The following ASIC2 variants were observed in gnomAD, a reference collection of about 807,000 sequenced individuals.
The protein encoded by ASIC2 is acid sensing ion channel subunit 2.
A neutral mutation model predicts 57.3 loss-of-function variants in ASIC2; 25 were observed. The ratio of observed to expected loss-of-function variants is 0.44; its 90% confidence interval spans 0.32 to 0.61. The LOEUF (loss-of-function observed/expected upper bound fraction) is 0.61. Among genes scored for constraint, ASIC2 ranks in the 20% least tolerant of loss-of-function variants. ASIC2 has a pLI of 0.06. For synonymous variants in ASIC2, 319 were observed against 307.5 expected, an observed-to-expected ratio of 1.04 and a Z score of -0.39; for missense variants, 641 against 738.1, an observed-to-expected ratio of 0.87 and a Z score of 1.52.
intron 1 of ASIC2, among the ~76,000 whole-genome samples, chr17:33,216,768 G>C (rs1428046719): frequency 1.3e-5 from 2 of 152,226 alleles, no homozygotes; most frequent in African/African-American, 2.4e-5. Context: ...TTTTAAAGAG[G>C]AGAGGATCAT....
At chr17:34,124,532 T>C (rs930521962) in intron 1 of ASIC2, among the ~76,000 whole-genome samples, 1 of 152,152 alleles carries the variant, frequency 6.6e-6, no homozygotes, top group East Asian at 1.9e-4. Context: ...TCAGCTTCAG[T>C]TATCATCCCA....
rs182735912 is a variant in ASIC2 at position 33,755,340 on chromosome 17, C to T, written c.555+400638G>A. Among the ~76,000 whole-genome samples, 16 of 152,336 alleles carry T rather than the reference C, an allele frequency of 1.1e-4. No individual in the cohort carries two copies. The South Asian group carries it at 1.2e-3, about 12-fold the overall frequency. ...AGTGAAACCCATTTCCAATTTCTGA[C>T]GTCTAGAGCCATAAGACCCTATGTC... On this transcript the variant is annotated intron_variant, in intron 1 of 9. Transcript: ENST00000359872.
chr17:33,670,416 A>AATC (rs1180084812), intron 1 of ASIC2, among the ~76,000 whole-genome samples: 1 of 152,270 alleles, frequency 6.6e-6, no homozygotes, highest in East Asian at 1.9e-4. Flanking sequence ...TAAAATAAGG[A>AATC]ATCACCATTT....
chr17:33,292,345 T>A lies in ASIC2; in HGVS notation c.-230A>T. 1 of 986,004 alleles carries A rather than the reference T, an allele frequency of 1.0e-6. No homozygotes were observed. The highest frequency in any genetic ancestry group is 1.2e-6 in the Non-Finnish European group (1 of 830,814). 61.1% of individuals were successfully genotyped at this position (986,004 alleles called of 1,614,324 possible). A position where few individuals can be genotyped will look rare whatever the true frequency, so the allele number is the denominator to read the frequency against. ...GAGCGCCGCCTCAGCCCGCAGCCCCTGGCAGTGGCCTCTCCCGAGCGCCTC... is the reference window on the plus strand; with the variant it reads ...GAGCGCCGCCTCAGCCCGCAGCCCCAGGCAGTGGCCTCTCCCGAGCGCCTC... On this transcript the variant is annotated 5_prime_UTR_variant, in exon 1 of 10. Transcript: ENST00000225823.
intron 1 of ASIC2, among the ~76,000 whole-genome samples, chr17:33,266,429 T>C (rs1909461097): frequency 1.3e-5 from 2 of 152,202 alleles, no homozygotes; most frequent in South Asian, 4.1e-4. Flanking sequence ...AAACAACAGA[T>C]TCCCAGTTTT....
At chr17:33,875,860 G>A (rs1250275464) in intron 1 of ASIC2, among the ~76,000 whole-genome samples, 1 of 151,802 alleles carries the variant, frequency 6.6e-6, no homozygotes, top group Non-Finnish European at 1.5e-5. Context: ...TATAATCCCA[G>A]CTTTTGTAAT....
At chr17:33,032,880 T>G (rs1415605366) in intron 3 of ASIC2, among the ~76,000 whole-genome samples, 1 of 152,242 alleles carries the variant, frequency 6.6e-6, no homozygotes, top group African/African-American at 2.4e-5. Flanking sequence ...GAATTTTCCA[T>G]TTGATATCAT....
intron 1 of ASIC2, among the ~76,000 whole-genome samples, chr17:34,031,259 A>T (rs570650442): frequency 9.8e-5 from 15 of 152,336 alleles, no homozygotes; most frequent in Non-Finnish European, 1.5e-5. Flanking sequence ...CAGGGTCTGG[A>T]GTGGACCTCT....
At chr17:33,875,323 T>A (rs1357253653) in intron 1 of ASIC2, among the ~76,000 whole-genome samples, 1 of 152,214 alleles carries the variant, frequency 6.6e-6, no homozygotes, top group African/African-American at 2.4e-5. Flanking sequence ...TTTTCCAGAA[T>A]ACTGCTGGCC....
intron 1 of ASIC2, among the ~76,000 whole-genome samples, chr17:33,712,637 T>C (rs1279093365): frequency 2.5e-5 from 1 of 40,556 alleles, no homozygotes; most frequent in East Asian, 6.1e-4. Context: ...CTCATATGGC[T>C]TTTTTTTTTT....
intron 1 of ASIC2, among the ~76,000 whole-genome samples, chr17:34,072,874 G>A (rs1909472863): frequency 6.6e-6 from 1 of 152,148 alleles, no homozygotes; most frequent in Non-Finnish European, 1.5e-5. Flanking sequence ...CACTTTGGGG[G>A]CTTAGTGGAT....
intron 1 of ASIC2, among the ~76,000 whole-genome samples, chr17:33,852,759 T>C (rs1913807400): frequency 6.6e-6 from 1 of 152,162 alleles, no homozygotes; most frequent in Non-Finnish European, 1.5e-5. Flanking sequence ...CTTCGATGGA[T>C]ACTCAAAGGG....
At chr17:33,871,013 T>C (rs750022823) in intron 1 of ASIC2, among the ~76,000 whole-genome samples, 3 of 152,322 alleles carry the variant, frequency 2.0e-5, no homozygotes, top group Non-Finnish European at 4.4e-5. Context: ...AAGCTGGGCA[T>C]CTTGGCTTCA....
intron 1 of ASIC2, among the ~76,000 whole-genome samples, chr17:33,391,117 A>T (rs543364020): frequency 6.6e-6 from 1 of 152,356 alleles, no homozygotes; most frequent in South Asian, 2.1e-4. Flanking sequence ...TGCTCAGAAT[A>T]TGAGAGCTGA....
intron 1 of ASIC2, among the ~76,000 whole-genome samples, chr17:34,067,621 T>C (rs1909219482): frequency 6.6e-6 from 1 of 152,206 alleles, no homozygotes; most frequent in South Asian, 2.1e-4. Flanking sequence ...TACAAAATGC[T>C]GTTTATGATT....
At chr17:33,690,065 C>G (rs910777899) in intron 1 of ASIC2, among the ~76,000 whole-genome samples, 1 of 152,244 alleles carries the variant, frequency 6.6e-6, no homozygotes, top group African/African-American at 2.4e-5. Context: ...GAAACTAACT[C>G]TCTCTGCAAA....
intron 1 of ASIC2, among the ~76,000 whole-genome samples, chr17:33,671,909 G>A (rs1907651115): frequency 6.6e-6 from 1 of 152,120 alleles, no homozygotes; most frequent in African/African-American, 2.4e-5. Flanking sequence ...ACTAATTCCA[G>A]CCACTTTCTG....
At chr17:33,354,937 G>A (rs66717518) in intron 1 of ASIC2, among the ~76,000 whole-genome samples, 26,674 of 152,150 alleles carry the variant, frequency 0.18, 3,045 homozygotes, top group East Asian at 0.49. Flanking sequence ...TGCTGAATGC[G>A]TGCTGACATT....
intron 1 of ASIC2, among the ~76,000 whole-genome samples, chr17:33,153,542 G>A (rs1340683586): frequency 6.6e-6 from 1 of 152,190 alleles, no homozygotes; most frequent in Non-Finnish European, 1.5e-5. Flanking sequence ...ATGGTGTCTG[G>A]TTTCTTGGGT....
Sources: allele counts gnomAD v4.1 joint callset (sites outside exome capture counted in the v4.1 genomes callset), GRCh38; gene constraint gnomAD v4.1.1; transcripts MANE v1.5; gene names NCBI Gene and HGNC (gene_info 2026-07-23, HGNC 2026-07-21).